The following POLR2B variants were observed in gnomAD, a reference collection of about 807,000 sequenced individuals.
The protein encoded by POLR2B is DNA-directed RNA polymerase II subunit RPB2.
A neutral mutation model predicts 144.6 loss-of-function variants in POLR2B; 57 were observed. That is an observed-to-expected ratio of 0.39 (90% CI 0.32 to 0.49). The LOEUF (loss-of-function observed/expected upper bound fraction) is 0.49. Among genes scored for constraint, POLR2B ranks in the 20% least tolerant of loss-of-function variants. The pLI is 0.83. For synonymous variants in POLR2B, 442 were observed against 469.8 expected (o/e 0.94, Z 0.77); for missense variants, 595 against 1,467.4 (o/e 0.41, Z 9.71).
At chr4:57,021,092 C>T in intron 17 of POLR2B, 97 bp downstream of exon 17, 1 of 722,708 alleles carries the variant, frequency 1.4e-6, no homozygotes, top group South Asian at 1.5e-5. Flanking sequence ...CTACGCCGCA[C>T]TCCAGAAAGT....
intron 23 of POLR2B, among the ~76,000 whole-genome samples, chr4:57,026,902 T>C (rs1462716103): frequency 6.6e-6 from 1 of 152,254 alleles, no homozygotes; most frequent in Non-Finnish European, 1.5e-5. Context: ...ACAGCTGGAT[T>C]CTTACATCTA....
intron 2 of POLR2B, 75 bp from the exon 3 acceptor site, chr4:56,990,673 G>A (rs1722485814): frequency 1.5e-5 from 19 of 1,252,874 alleles, no homozygotes; most frequent in Non-Finnish European, 2.1e-5. Context: ...TGAAAATGGG[G>A]AAATAATGAA....
In POLR2B at chr4:57,023,741, A is replaced by G. The variant is rs1474679144; in HGVS notation, c.2846A>G (p.Tyr949Cys). 1 of 1,595,920 alleles carries G rather than the reference A, an allele frequency of 6.3e-7. No homozygotes were observed. The highest frequency in any genetic ancestry group is 1.3e-5 in the African/African-American group (1 of 74,408). ...CAAAAGGGTACTTGTGGTATTCAGTATAGACAAGAGGTAGGTATCTTTGAT... is the reference window on the plus strand; with the variant it reads ...CAAAAGGGTACTTGTGGTATTCAGTGTAGACAAGAGGTAGGTATCTTTGAT... ...HGQKGTCGIQ[Y>C]RQEDMPFTCE... Residue 949 changes from tyrosine to cysteine, a missense_variant, in exon 20 of 25, where the codon TAT (tyrosine) becomes TGT (cysteine). Physicochemically the swap from Tyr to Cys is radical, Grantham distance 194. This residue lies in a region of POLR2B where 65 missense variants were observed against 282.8 expected (regional missense o/e 0.23). Coordinates refer to ENST00000314595, the MANE Select transcript of POLR2B (RefSeq NM_000938.3). This position sits in a 1 kb window ranked among gnomAD's most constrained non-coding sequence, Gnocchi z 4.3.
At chr4:57,025,752 A>G (rs1356534024) in intron 23 of POLR2B, among the ~76,000 whole-genome samples, 2 of 152,026 alleles carry the variant, frequency 1.3e-5, no homozygotes, top group African/African-American at 2.4e-5. Flanking sequence ...TCACTCTGTC[A>G]CCCAGGCTGG....
At position 56,994,472 on chromosome 4, in the gene POLR2B, T is replaced by G; in HGVS notation, c.312T>G (p.Ala104=). ...SKPTHWERDG[A]PSPMMPNEAR... ...CTACCCATTGGGAAAGAGATGGTGC[T>G]CCTTCACCAATGATGCCCAATGAAG... Residue 104 remains alanine, a synonymous_variant, in exon 4 of 25, where the codon GCT becomes GCG. Coordinates refer to ENST00000314595, the MANE Select transcript of POLR2B (RefSeq NM_000938.3). 1.2e-6 allele frequency: 2 copies of G among 1,608,480 alleles called. No homozygotes were observed. The highest frequency in any genetic ancestry group is 1.7e-5 in the Admixed American group (1 of 60,004).
At chr4:57,025,872 A>C (rs1316380088) in intron 23 of POLR2B, among the ~76,000 whole-genome samples, 1 of 151,892 alleles carries the variant, frequency 6.6e-6, no homozygotes, top group Non-Finnish European at 1.5e-5. Flanking sequence ...CCTTTTTTGA[A>C]TTTATTGGTT....
intron 14 of POLR2B, among the ~76,000 whole-genome samples, chr4:57,015,993 A>G (rs1578585008): frequency 6.6e-6 from 1 of 152,156 alleles, no homozygotes; most frequent in Admixed American, 6.5e-5. Context: ...TCCTGGTCTC[A>G]GGTGATCCGC....
intron 16 of POLR2B, among the ~76,000 whole-genome samples, chr4:57,019,759 CTTTTTT>C (rs71208972): frequency 1.0e-5 from 1 of 98,196 alleles, no homozygotes; most frequent in African/African-American, 3.7e-5. Flanking sequence ...CTAATGATGT[CTTTTTT>C]TTTTTTTTTT....
intron 12 of POLR2B, 21 bp downstream of exon 12, chr4:57,010,908 T>C: frequency 6.2e-7 from 1 of 1,600,582 alleles, no homozygotes; most frequent in Non-Finnish European, 8.6e-7. Flanking sequence ...ATGGAATTAG[T>C]TTTTTAAACT....
At chr4:56,986,654 C>A in intron 2 of POLR2B, 1 of 329,820 alleles carries the variant, frequency 3.0e-6, no homozygotes, top group Non-Finnish European at 5.4e-6. Context: ...TTGTCTTTTT[C>A]TCTTTTTGTA....
At position 56,979,018 on chromosome 4, in the gene POLR2B, C is replaced by G. The variant is rs777855916; in HGVS notation, c.19+14C>G. The G allele has an allele frequency of 1.2e-6, 2 of 1,612,506 alleles. No homozygotes were observed. Among genetic ancestry groups the G allele is most frequent in the Non-Finnish European group, 8.5e-7 (1 of 1,178,996 alleles). ...ACGCGGATGAGGGTAGGTGAACGCT[C>G]AAAACACACGCCGTGGCGGTCCATT... On this transcript the variant is annotated intron_variant, in intron 1 of 24. Coordinates refer to ENST00000314595, the MANE Select transcript of POLR2B (RefSeq NM_000938.3).
intron 18 of POLR2B, 123 bp downstream of exon 18, chr4:57,022,369 A>G (rs1723581126): frequency 3.2e-6 from 2 of 632,522 alleles, no homozygotes; most frequent in Non-Finnish European, 5.7e-6. Flanking sequence ...TTTTTTGTGC[A>G]ATGAAAGTGT....
At chr4:56,990,697 G>C in intron 2 of POLR2B, 51 bp from the exon 3 acceptor site, 1 of 1,469,578 alleles carries the variant, frequency 6.8e-7, no homozygotes, top group South Asian at 1.3e-5. Context: ...GGGGAATTAT[G>C]CTAGAAATTA....
At chr4:56,984,358 T>C (rs1297282861) in intron 1 of POLR2B, among the ~76,000 whole-genome samples, 1 of 152,130 alleles carries the variant, frequency 6.6e-6, no homozygotes, top group African/African-American at 2.4e-5. Flanking sequence ...TTAAAACGTT[T>C]ATTTTATTGA....
chr4:57,021,652 G>A (rs1446011493), intron 17 of POLR2B, among the ~76,000 whole-genome samples: 2 of 142,486 alleles, frequency 1.4e-5, no homozygotes, highest in African/African-American at 2.5e-5. Context: ...CCATGCCAGA[G>A]TTTTTTTTTG....
At chr4:57,026,660 GCC>G (rs1250151726) in intron 23 of POLR2B, among the ~76,000 whole-genome samples, 1 of 151,968 alleles carries the variant, frequency 6.6e-6, no homozygotes, top group East Asian at 2.0e-4. Context: ...CTACTCGGGA[GCC>G]TGAGGGAAGA....
At chr4:57,024,286 T>G (rs1723643258) in intron 21 of POLR2B, among the ~76,000 whole-genome samples, 174 bp downstream of exon 21, 1 of 151,934 alleles carries the variant, frequency 6.6e-6, no homozygotes, top group Non-Finnish European at 1.5e-5. Flanking sequence ...ATTTGCAAAG[T>G]TATGGACAAG....
Position 57,023,857 on chromosome 4 carries a change from C to T in POLR2B, c.2856+106C>T. On this transcript the variant is annotated intron_variant, in intron 20 of 24. Transcript: ENST00000314595. The surrounding 1 kb of genome is among the most constrained non-coding windows in gnomAD (Gnocchi z 4.3). ...GAGCTCAAAGATGATACAGGTTGAA[C>T]TTTTTGATTTTATTGTTGAATAAGT... is the stretch of plus-strand genomic sequence containing the variant. 1 of 854,846 alleles carries T rather than the reference C, an allele frequency of 1.2e-6. No individual in the cohort carries two copies. The highest frequency in any genetic ancestry group is 1.8e-6 in the Non-Finnish European group (1 of 540,626). The allele number at this position is 854,846 out of a possible 1,614,324, so 53.0% of individuals were successfully genotyped here.
At chr4:56,981,275 G>A (rs1722151045) in intron 1 of POLR2B, among the ~76,000 whole-genome samples, 1 of 148,994 alleles carries the variant, frequency 6.7e-6, no homozygotes, top group Non-Finnish European at 1.5e-5. Flanking sequence ...CCCACCCCCA[G>A]TTACTTAGTT....
Sources: gnomAD v4.1 joint callset for allele counts (sites outside exome capture counted in the v4.1 genomes callset) on GRCh38, gnomAD v4.1.1 for gene constraint, gnomAD v4.1.1 regional missense constraint, Gnocchi (gnomAD v3.1) non-coding constraint, MANE v1.5 for transcripts, NCBI Gene and HGNC (gene_info 2026-07-23, HGNC 2026-07-21) for gene names.